Variants in TENM2 observed in about 807,000 individuals in gnomAD.
The protein encoded by TENM2 is teneurin transmembrane protein 2, also known as teneurin-2.
TENM2 carries 52 observed loss-of-function variants against 245.2 expected under a neutral mutation model. The observed-to-expected ratio is 0.21, with a 90% CI of 0.17 to 0.27. The LOEUF is 0.27. Ranked by LOEUF, TENM2 falls within the 10% of genes least tolerant of loss-of-function variation. The pLI is 1.00. For missense variants in TENM2, 3,046 were observed against 3,666.8 expected, an observed-to-expected ratio of 0.83 and a Z score of 4.37; for synonymous variants, 1,363 against 1,438.9, an observed-to-expected ratio of 0.95 and a Z score of 1.19.
chr5:167,239,665 A>G, the TENM2 span, among the ~76,000 whole-genome samples: 1 of 152,240 alleles, frequency 6.6e-6, no homozygotes, highest in East Asian at 1.9e-4. Context: ...TCAGTACTAG[A>G]ACAGTGCCTA....
At chr5:167,295,758 G>T (rs961971597) in intron 1 of TENM2, among the ~76,000 whole-genome samples, 1 of 152,034 alleles carries the variant, frequency 6.6e-6, no homozygotes, top group Non-Finnish European at 1.5e-5. Flanking sequence ...CACCTTAATT[G>T]GCATGCACAT....
the TENM2 span, among the ~76,000 whole-genome samples, chr5:167,094,689 G>A: frequency 4.6e-5 from 7 of 152,158 alleles, no homozygotes. Flanking sequence ...AGACCCGGGT[G>A]AGTTCACTGC....
intron 12 of TENM2, among the ~76,000 whole-genome samples, chr5:168,158,829 G>GTGTATA (rs1397260649): frequency 1.9e-4 from 12 of 63,738 alleles, no homozygotes; most frequent in African/African-American, 7.0e-4. Flanking sequence ...GTGTGTGTGT[G>GTGTATA]TATATATATA....
rs2152564360 is a variant in TENM2 at position 168,218,045 on chromosome 5, A to G, written c.4234-80A>G. 3 of 1,466,514 alleles carry G rather than the reference A, an allele frequency of 2.0e-6. No individual in the cohort carries two copies. Among genetic ancestry groups the G allele is most frequent in the East Asian group, 2.3e-5 (1 of 43,770 alleles). The allele number at this position is 1,466,514 out of a possible 1,614,324, so 90.8% of individuals were successfully genotyped here. On this transcript the variant is annotated intron_variant, in intron 22 of 28. Coordinates refer to ENST00000518659, the Ensembl canonical transcript of TENM2. The surrounding 1 kb of genome is among the most constrained non-coding windows in gnomAD (Gnocchi z 5.2). ...AAAAGCTGTCTTTTTTCCTAGATATATAAAACCAGTAAGTGCCGTACGGTT... is the reference window on the plus strand; with the variant it reads ...AAAAGCTGTCTTTTTTCCTAGATATGTAAAACCAGTAAGTGCCGTACGGTT...
At chr5:167,731,477 C>T (rs56038379) in intron 2 of TENM2, among the ~76,000 whole-genome samples, 177 of 152,258 alleles carry the variant, frequency 1.2e-3, no homozygotes, top group Non-Finnish European at 1.9e-3. Context: ...TGGTTGAACC[C>T]GGTCAGAAGA....
At chr5:167,266,881 A>AT in the TENM2 span, among the ~76,000 whole-genome samples, 4 of 152,202 alleles carry the variant, frequency 2.6e-5, no homozygotes, top group Admixed American at 6.5e-5. Flanking sequence ...ATCACTTTTC[A>AT]TAAGTAGAGA....
chr5:168,250,160 ATGGATGGATGGG>A (rs1371217280), intron 27 of TENM2, among the ~76,000 whole-genome samples: 3 of 105,022 alleles, frequency 2.9e-5, no homozygotes, highest in East Asian at 2.5e-4. Flanking sequence ...GGATGGATGG[ATGGATGGATGGG>A]TAAATAGATG....
At chr5:167,008,355 A>T in the TENM2 span, among the ~76,000 whole-genome samples, 1 of 152,192 alleles carries the variant, frequency 6.6e-6, no homozygotes, top group Non-Finnish European at 1.5e-5. Flanking sequence ...TCAGAAGAAG[A>T]TCTAAAAAGG....
At chr5:167,144,499 A>T in the TENM2 span, among the ~76,000 whole-genome samples, 2 of 151,598 alleles carry the variant, frequency 1.3e-5, no homozygotes, top group Admixed American at 6.6e-5. Flanking sequence ...TTTGCCTTTA[A>T]TTTTTTTTTC....
chr5:167,834,901 C>T (rs1234858260), intron 2 of TENM2, among the ~76,000 whole-genome samples: 3 of 152,142 alleles, frequency 2.0e-5, no homozygotes, highest in African/African-American at 7.2e-5. Flanking sequence ...CCGCCCGCCT[C>T]GGCCTCCCAA....
At chr5:167,007,317 A>T in the TENM2 span, among the ~76,000 whole-genome samples, 1 of 152,178 alleles carries the variant, frequency 6.6e-6, no homozygotes, top group African/African-American at 2.4e-5. This position sits in a 1 kb window ranked among gnomAD's most constrained non-coding sequence, Gnocchi z 4.2. Flanking sequence ...AAGCCTGCTT[A>T]CTCCAAGGAA....
At chr5:167,702,736 C>T (rs973363044) in intron 2 of TENM2, among the ~76,000 whole-genome samples, 1 of 152,034 alleles carries the variant, frequency 6.6e-6, no homozygotes, top group Admixed American at 6.6e-5. Flanking sequence ...ACAATCTCGA[C>T]TCACTGCAAC....
chr5:167,826,766 G>A (rs928113266), intron 2 of TENM2, among the ~76,000 whole-genome samples: 6 of 152,154 alleles, frequency 3.9e-5, no homozygotes, highest in African/African-American at 7.2e-5. Context: ...TCTGAGCTTT[G>A]GTAAAGGCGG....
chr5:168,126,769 A>T (rs1345640807), exon 12 of TENM2: 3 of 1,612,246 alleles, frequency 1.9e-6, no homozygotes, highest in South Asian at 1.1e-5. Flanking sequence ...TGCTCAGTAG[A>T]CTGTGGCACT....
intron 1 of TENM2, among the ~76,000 whole-genome samples, chr5:167,347,853 A>C (rs1758564840): frequency 2.0e-5 from 3 of 152,152 alleles, no homozygotes. Context: ...TTCTCCCTTC[A>C]TGGAGATTGA....
the TENM2 span, among the ~76,000 whole-genome samples, chr5:167,130,477 C>T: frequency 1.3e-5 from 2 of 152,184 alleles, no homozygotes; most frequent in South Asian, 4.1e-4. Context: ...ATAACTGAGT[C>T]ACAAAGAGGT....
the TENM2 span, among the ~76,000 whole-genome samples, chr5:167,194,230 G>A: frequency 2.0e-5 from 3 of 152,154 alleles, no homozygotes; most frequent in African/African-American, 7.2e-5. Flanking sequence ...GCAAAGCATT[G>A]TGTACCGGTG....
Position 168,106,364 on chromosome 5 carries a change from CA to C in TENM2, c.1813+8238del, listed in dbSNP as rs1794241900. Among the ~76,000 whole-genome samples the C allele has an allele frequency of 5.9e-5, 9 of 152,292 alleles. 1 individual carries two copies. Among genetic ancestry groups the C allele is most frequent in the African/African-American group, 2.2e-4 (9 of 41,556 alleles). ...AACAAATCATCATCATCATCATCAT[CA>C]TCAGAGCTGGCATTTATTGAGTTCT... is the stretch of plus-strand genomic sequence containing the variant. On this transcript the variant is annotated intron_variant, in intron 9 of 28. Coordinates refer to ENST00000518659, the Ensembl canonical transcript of TENM2.
chr5:167,524,178 A>T (rs984109183), intron 2 of TENM2, among the ~76,000 whole-genome samples: 1 of 152,182 alleles, frequency 6.6e-6, no homozygotes, highest in African/African-American at 2.4e-5. Flanking sequence ...TTATTGGCTG[A>T]TAAACTGTGT....
Sources: gnomAD v4.1 joint callset for allele counts (sites outside exome capture counted in the v4.1 genomes callset) on GRCh38, gnomAD v4.1.1 for gene constraint, Gnocchi (gnomAD v3.1) non-coding constraint, MANE v1.5 for transcripts, NCBI Gene and HGNC (gene_info 2026-07-23, HGNC 2026-07-21) for gene names.